DGKB: variants seen among roughly 807,000 people sequenced by gnomAD.
DGKB encodes diacylglycerol kinase beta.
DGKB carries 67 observed loss-of-function variants against 114.3 expected under a neutral mutation model. The ratio of observed to expected loss-of-function variants is 0.59; its 90% CI spans 0.48 to 0.72. DGKB has a LOEUF of 0.72. DGKB is among the 30% of genes least tolerant of loss of function. DGKB has a pLI of 0.00. For synonymous variants in DGKB, 398 were observed against 323.1 expected, an observed-to-expected ratio of 1.23 and a Z score of -2.49; for missense variants, 907 against 975.2, an observed-to-expected ratio of 0.93 and a Z score of 0.93.
At chr7:14,721,975 ATC>A (rs951401284) in intron 5 of DGKB, among the ~76,000 whole-genome samples, 6 of 152,202 alleles carry the variant, frequency 3.9e-5, no homozygotes, top group African/African-American at 9.6e-5. Context: ...TACTTCAAAT[ATC>A]TCTCTGTGTT....
chr7:14,310,012 A>G (rs1051247619), intron 23 of DGKB, among the ~76,000 whole-genome samples: 1 of 152,226 alleles, frequency 6.6e-6, no homozygotes, highest in African/African-American at 2.4e-5. Flanking sequence ...AACAGCTGCT[A>G]GGATGGTACC....
At chr7:14,650,035 G>A (rs891152055) in intron 13 of DGKB, among the ~76,000 whole-genome samples, 37 of 151,968 alleles carry the variant, frequency 2.4e-4, no homozygotes, top group Middle Eastern at 3.4e-3. Flanking sequence ...AGACTCCCAC[G>A]CATTAATAAA....
At chr7:14,573,479 G>C (rs953430424) in intron 20 of DGKB, among the ~76,000 whole-genome samples, 1 of 151,038 alleles carries the variant, frequency 6.6e-6, no homozygotes, top group African/African-American at 2.4e-5. Flanking sequence ...GTGTGTGTGT[G>C]TGTGTGTGTG....
intron 16 of DGKB, among the ~76,000 whole-genome samples, chr7:14,609,677 A>C (rs1029353649): frequency 3.9e-5 from 6 of 152,166 alleles, no homozygotes; most frequent in South Asian, 4.1e-4. Context: ...AATGGGAAAA[A>C]AACAACAACA....
At chr7:14,541,008 T>C (rs1184193046) in intron 20 of DGKB, among the ~76,000 whole-genome samples, 6 of 152,300 alleles carry the variant, frequency 3.9e-5, no homozygotes, top group African/African-American at 1.2e-4. Flanking sequence ...TGTGGCTGCA[T>C]CTGAAGCCAC....
At chr7:14,467,927 TTC>T (rs1361933999) in intron 21 of DGKB, among the ~76,000 whole-genome samples, 1 of 152,100 alleles carries the variant, frequency 6.6e-6, no homozygotes, top group Non-Finnish European at 1.5e-5. Context: ...CAGGCTTACC[TTC>T]TACTTAATAT....
intron 2 of DGKB, among the ~76,000 whole-genome samples, chr7:14,833,670 C>T (rs925928170): frequency 2.0e-5 from 3 of 152,100 alleles, no homozygotes; most frequent in Non-Finnish European, 4.4e-5. Context: ...AGTGCTTAGA[C>T]TCATGCCCAT....
At chr7:14,185,798 G>A (rs1183324001) in intron 23 of DGKB, among the ~76,000 whole-genome samples, 3 of 152,180 alleles carry the variant, frequency 2.0e-5, no homozygotes, top group Admixed American at 6.5e-5. Flanking sequence ...ATGGTGCTGG[G>A]ATAATTGGCT....
chr7:14,968,167 T>C (rs1787271872), intron 1 of DGKB, among the ~76,000 whole-genome samples: 1 of 152,042 alleles, frequency 6.6e-6, no homozygotes, highest in Non-Finnish European at 1.5e-5. Flanking sequence ...GTTCTTGTCT[T>C]TTTTTTCAAC....
intron 17 of DGKB, among the ~76,000 whole-genome samples, chr7:14,604,905 G>A (rs780803215): frequency 3.9e-5 from 6 of 152,154 alleles, no homozygotes; most frequent in Non-Finnish European, 8.8e-5. Context: ...TAGGGATGCA[G>A]TGTGGGCATC....
chr7:14,705,206 A>G (rs1031287811), intron 6 of DGKB, among the ~76,000 whole-genome samples: 5 of 152,126 alleles, frequency 3.3e-5, no homozygotes, highest in East Asian at 1.9e-4. Context: ...ATCAACTGGA[A>G]AAAGGGTGTC....
intron 20 of DGKB, among the ~76,000 whole-genome samples, chr7:14,554,435 T>C (rs1323680719): frequency 6.6e-6 from 1 of 152,216 alleles, no homozygotes; most frequent in Non-Finnish European, 1.5e-5. Flanking sequence ...TTCAAATTGA[T>C]AAATTTTTAG....
chr7:14,877,170 G>T (rs1587109402), intron 1 of DGKB, among the ~76,000 whole-genome samples: 1 of 152,216 alleles, frequency 6.6e-6, no homozygotes, highest in East Asian at 1.9e-4. Context: ...TAATCTCAGA[G>T]AATTCAGAAT....
intron 1 of DGKB, among the ~76,000 whole-genome samples, chr7:14,923,632 A>G (rs1391810320): frequency 5.3e-5 from 8 of 152,096 alleles, no homozygotes; most frequent in Admixed American, 1.3e-4. Context: ...TCTGGCATTC[A>G]TTCTTGCATT....
At chr7:14,316,461 G>C (rs376199455) in intron 23 of DGKB, among the ~76,000 whole-genome samples, 20 of 128,782 alleles carry the variant, frequency 1.6e-4, no homozygotes, top group Non-Finnish European at 1.4e-4. Flanking sequence ...TATCACCACC[G>C]ATCCCACAGA....
chr7:14,288,552 A>T (rs1801254298), intron 23 of DGKB, among the ~76,000 whole-genome samples: 1 of 151,990 alleles, frequency 6.6e-6, no homozygotes, highest in African/African-American at 2.4e-5. Context: ...TTTCACTTTT[A>T]ATCATTCATT....
At chr7:14,588,873 TC>T (rs1355689395) in intron 17 of DGKB, among the ~76,000 whole-genome samples, 1 of 152,090 alleles carries the variant, frequency 6.6e-6, no homozygotes, top group Non-Finnish European at 1.5e-5. Context: ...CTTCTTTTTT[TC>T]ATGTACATTT....
At chr7:14,289,259 G>A (rs1365976812) in intron 23 of DGKB, among the ~76,000 whole-genome samples, 1 of 151,644 alleles carries the variant, frequency 6.6e-6, no homozygotes, top group Non-Finnish European at 1.5e-5. Flanking sequence ...TCTCCAGGGT[G>A]TGAAAAGGGC....
intron 25 of DGKB, among the ~76,000 whole-genome samples, chr7:14,163,064 G>A (rs1784134249): frequency 6.6e-6 from 1 of 151,848 alleles, no homozygotes; most frequent in African/African-American, 2.4e-5. Context: ...TAAATTAATA[G>A]AGCTGTCAAG....
Sources: allele counts gnomAD v4.1 joint callset (sites outside exome capture counted in the v4.1 genomes callset), GRCh38; gene constraint gnomAD v4.1.1; transcripts MANE v1.5; gene names NCBI Gene and HGNC (gene_info 2026-07-23, HGNC 2026-07-21).